The following PALM2AKAP2 variants were observed in gnomAD, a reference collection of about 807,000 sequenced individuals.
PALM2AKAP2 encodes the protein PALM2 and AKAP2 fusion.
Under a neutral mutation model 71.5 loss-of-function variants are expected in PALM2AKAP2, and 37 were observed. That is an observed-to-expected ratio of 0.52 (90% CI 0.40 to 0.68). The LOEUF is 0.68. PALM2AKAP2 is among the 30% of genes least tolerant of loss of function. The probability of loss-of-function intolerance (pLI) is 0.00; values close to 1 mark genes in which losing one functional copy is unlikely to be tolerated. For missense variants in PALM2AKAP2, 1,224 were observed against 1,191.8 expected (o/e 1.03, Z -0.40); for synonymous variants, 468 against 478.8 (o/e 0.98, Z 0.29).
chr9:110,055,257 G>T (rs1235421964), intron 1 of PALM2AKAP2, among the ~76,000 whole-genome samples: 3 of 151,682 alleles, frequency 2.0e-5, no homozygotes, highest in Non-Finnish European at 4.4e-5. Context: ...GTGCAGTGGC[G>T]CAATCTCAGC....
intron 1 of PALM2AKAP2, among the ~76,000 whole-genome samples, chr9:109,768,780 TTGAA>T (rs1829204364): frequency 1.3e-5 from 2 of 152,322 alleles, no homozygotes; most frequent in South Asian, 4.1e-4. Flanking sequence ...GTAAAGCACT[TTGAA>T]TGAATTCAGT....
intron 6 of PALM2AKAP2, among the ~76,000 whole-genome samples, chr9:109,964,507 A>G (rs1243291265): frequency 6.6e-6 from 1 of 152,194 alleles, no homozygotes; most frequent in African/African-American, 2.4e-5. Flanking sequence ...TTCCTTCCAC[A>G]ATGATCTTTA....
intron 1 of PALM2AKAP2, among the ~76,000 whole-genome samples, chr9:109,682,145 C>T (rs1391871667): frequency 6.6e-6 from 1 of 152,178 alleles, no homozygotes; most frequent in Non-Finnish European, 1.5e-5. Context: ...AGCCACCATC[C>T]ATGCCATGCC....
At chr9:109,979,689 G>A (rs1305822346) in intron 6 of PALM2AKAP2, among the ~76,000 whole-genome samples, 1 of 152,126 alleles carries the variant, frequency 6.6e-6, no homozygotes, top group Admixed American at 6.5e-5. Flanking sequence ...AACTAATCAA[G>A]GAACCATCTC....
upstream of PALM2AKAP2, among the ~76,000 whole-genome samples, chr9:110,045,081 G>T (rs1311404555): frequency 1.4e-5 from 1 of 71,288 alleles, no homozygotes; most frequent in East Asian, 3.3e-4. Flanking sequence ...CTGGCTCAGG[G>T]GTGTAGTTTA....
chr9:109,899,341 A>G (rs1830277982), intron 3 of PALM2AKAP2, among the ~76,000 whole-genome samples: 1 of 152,202 alleles, frequency 6.6e-6, no homozygotes, highest in Non-Finnish European at 1.5e-5. Flanking sequence ...GTAATTTTAT[A>G]TAATAAAAGG....
In PALM2AKAP2 at chr9:109,875,926, C is replaced by A. The variant is rs185182047; in HGVS notation, c.127-4625C>A. Among the ~76,000 whole-genome samples, 1,023 of 152,282 alleles carry A rather than the reference C, an allele frequency of 6.7e-3. 15 individuals are homozygous for A. Among genetic ancestry groups the A allele is most frequent in the African/African-American group, 0.023 (964 of 41,546 alleles). ...GTTTCCCTTTGTCCAGCTGCCAGCT[C>A]CCCACCTGCTCCTTCCTTGTATTGA... On this transcript the variant is annotated intron_variant, in intron 2 of 9. Coordinates refer to the PALM2AKAP2 transcript ENST00000302798.
intron 2 of PALM2AKAP2, among the ~76,000 whole-genome samples, chr9:109,872,672 T>A (rs1829631625): frequency 6.6e-6 from 1 of 152,210 alleles, no homozygotes; most frequent in Non-Finnish European, 1.5e-5. Context: ...AAAGGCTGAA[T>A]TGTGACCCTG....
chr9:109,867,176 G>C (rs886468032), intron 1 of PALM2AKAP2: 48 of 416,470 alleles, frequency 1.2e-4, no homozygotes, highest in South Asian at 4.6e-4. Context: ...GTGTGTGTGT[G>C]TGTGTGTGTG....
chr9:109,955,447 AAAAT>A (rs1831728811), intron 6 of PALM2AKAP2, among the ~76,000 whole-genome samples: 2 of 152,254 alleles, frequency 1.3e-5, no homozygotes, highest in African/African-American at 2.4e-5. Flanking sequence ...CATTCCCAGG[AAAAT>A]AAATAGATAC....
chr9:109,901,817 T>C (rs994007693), intron 3 of PALM2AKAP2, among the ~76,000 whole-genome samples: 1 of 152,098 alleles, frequency 6.6e-6, no homozygotes, highest in Non-Finnish European at 1.5e-5. Context: ...AATCTACCAA[T>C]AGAGGATGGA....
At chr9:109,796,016 C>G (rs905991573) in intron 1 of PALM2AKAP2, among the ~76,000 whole-genome samples, 11 of 152,198 alleles carry the variant, frequency 7.2e-5, no homozygotes, top group African/African-American at 2.7e-4. Context: ...AGGCCAATGA[C>G]TATGTCATAT....
At chr9:109,666,215 G>A (rs761556676) in intron 1 of PALM2AKAP2, among the ~76,000 whole-genome samples, 4 of 152,148 alleles carry the variant, frequency 2.6e-5, no homozygotes, top group Non-Finnish European at 5.9e-5. Context: ...ACCAGCCCCA[G>A]TGAGATGAAC....
At chr9:110,026,515 C>T (rs1260524681) in intron 7 of PALM2AKAP2, among the ~76,000 whole-genome samples, 2 of 152,004 alleles carry the variant, frequency 1.3e-5, no homozygotes, top group South Asian at 2.1e-4. Flanking sequence ...AAAGGGTACC[C>T]GTCTGTGGCG....
chr9:110,027,069 C>T (rs1833194198), intron 7 of PALM2AKAP2, among the ~76,000 whole-genome samples: 2 of 152,010 alleles, frequency 1.3e-5, no homozygotes, highest in Non-Finnish European at 2.9e-5. Context: ...ACAGAAAAGC[C>T]AGTAAGATGG....
chr9:110,055,604 T>C (rs1833821150), intron 1 of PALM2AKAP2, among the ~76,000 whole-genome samples: 1 of 152,182 alleles, frequency 6.6e-6, no homozygotes, highest in African/African-American at 2.4e-5. Context: ...TTCCATTGTA[T>C]TGGGAATTAG....
At chr9:110,136,025 G>T in intron 1 of PALM2AKAP2, 102 bp from the exon 8 acceptor site, 1 of 1,403,364 alleles carries the variant, frequency 7.1e-7, no homozygotes, top group Non-Finnish European at 9.5e-7. Context: ...TGTCACTGTG[G>T]TTTCCATTTT....
intron 1 of PALM2AKAP2, among the ~76,000 whole-genome samples, chr9:109,649,883 A>G (rs1156946586): frequency 6.6e-6 from 1 of 152,238 alleles, no homozygotes; most frequent in Non-Finnish European, 1.5e-5. Flanking sequence ...GACAGATCAC[A>G]TATCCCAGCT....
intron 1 of PALM2AKAP2, among the ~76,000 whole-genome samples, chr9:109,716,711 G>A (rs1828326450): frequency 6.6e-6 from 1 of 152,192 alleles, no homozygotes; most frequent in South Asian, 2.1e-4. Flanking sequence ...CCCATCAAAT[G>A]CCTTTCTCCC....
Sources: allele counts gnomAD v4.1 joint callset (sites outside exome capture counted in the v4.1 genomes callset), GRCh38; gene constraint gnomAD v4.1.1; transcripts MANE v1.5; gene names NCBI Gene and HGNC (gene_info 2026-07-23, HGNC 2026-07-21).